PEX7: variants seen among roughly 807,000 people sequenced by gnomAD.
PEX7 encodes PTS2 receptor.
A neutral mutation model predicts 47.5 loss-of-function variants in PEX7; 34 were observed. That is an observed-to-expected ratio of 0.72 (90% confidence interval 0.54 to 0.95). PEX7 has a LOEUF of 0.95. PEX7 is among the 40% of genes least tolerant of loss of function. PEX7 has a pLI of 0.00. For missense variants in PEX7, 394 were observed against 400.3 expected, an observed-to-expected ratio of 0.98 and a Z score of 0.13; for synonymous variants, 141 against 148.8, an observed-to-expected ratio of 0.95 and a Z score of 0.38.
chr6:136,873,216 A>G (rs747140948), intron 8 of PEX7, among the ~76,000 whole-genome samples: 14 of 152,192 alleles, frequency 9.2e-5, no homozygotes, highest in African/African-American at 1.4e-4. Context: ...ATCATTCTGT[A>G]TCAAAGAGAT....
chr6:136,866,746 G>A lies in PEX7; in HGVS notation c.633+13G>A, dbSNP rs1775079667. 6.3e-7 allele frequency: 1 copy of A among 1,575,266 alleles called. No homozygotes were observed. The highest frequency in any genetic ancestry group is 1.3e-5 in the African/African-American group (1 of 74,188). On this transcript the variant is annotated intron_variant, in intron 6 of 9. Transcript: ENST00000318471. ...TAAATACAATGAGGTATAGTGTATG[G>A]CTCTATCCTATGCTGCTGTCCTTCC...
rs140984423 is a variant in PEX7 at position 136,884,505 on chromosome 6, A to G, written c.803+12252A>G. Among the ~76,000 whole-genome samples the G allele has an allele frequency of 2.2e-3, 332 of 152,306 alleles. 2 individuals carry two copies. The highest frequency in any genetic ancestry group is 7.7e-3 in the African/African-American group (322 of 41,588). ...AATATAAGTTTTTAATTTGTTGCCC[A>G]TTGTTATATTTAGGTTTGTAAATTT... On this transcript the variant is annotated intron_variant, in intron 8 of 9. Coordinates refer to ENST00000318471, the MANE Select transcript of PEX7 (RefSeq NM_000288.4).
In PEX7 at chr6:136,897,689, A is replaced by C. The variant is rs528767871; in HGVS notation, c.804-453A>C. Among the ~76,000 whole-genome samples, 62 of 152,332 alleles carry C rather than the reference A, an allele frequency of 4.1e-4. No individual in the cohort carries two copies. The South Asian group carries it at 0.012, about 29-fold the overall frequency. On this transcript the variant is annotated intron_variant, in intron 8 of 9. Transcript: ENST00000318471. ...TGTTGAAATTTAAATTAAGCCTAAG[A>C]TCTTTCATGTCAATTGTTGAGAAAT... is the stretch of plus-strand genomic sequence containing the variant.
At chr6:136,867,153 C>T (rs1582757987) in intron 6 of PEX7, among the ~76,000 whole-genome samples, 1 of 152,136 alleles carries the variant, frequency 6.6e-6, no homozygotes, top group South Asian at 2.1e-4. Context: ...GTTTTATCTT[C>T]CTTTTTAAGC....
chr6:136,910,493 C>CTTGG (rs1202410819), intron 9 of PEX7, among the ~76,000 whole-genome samples: 1 of 152,108 alleles, frequency 6.6e-6, no homozygotes, highest in Non-Finnish European at 1.5e-5. Flanking sequence ...AAGCAGCATG[C>CTTGG]TTGGATTTGA....
intron 7 of PEX7, chr6:136,870,790 G>T: frequency 2.5e-6 from 1 of 402,768 alleles, no homozygotes; most frequent in Non-Finnish European, 5.0e-6. Context: ...TCTGCCTTCT[G>T]GGTTCAAGCT....
intron 5 of PEX7, among the ~76,000 whole-genome samples, chr6:136,862,081 T>G (rs188322879): frequency 0.046 from 6,453 of 141,422 alleles, 162 homozygotes; most frequent in African/African-American, 0.08. Context: ...GTTTTTTTTT[T>G]GGGGGGACAG....
Position 136,900,483 on chromosome 6 carries a change from CTCA to C in PEX7, c.903+2245_903+2247del, listed in dbSNP as rs2115277604. ...CATTGCCCCCCCAGTGACAGCAGAT[CTCA>C]TCGTGTCTGTCATTGTAATTGGTCC... On this transcript the variant is annotated intron_variant, in intron 9 of 9. Coordinates refer to ENST00000318471, the MANE Select transcript of PEX7 (RefSeq NM_000288.4). This position sits in a 1 kb window ranked among gnomAD's most constrained non-coding sequence, Gnocchi z 4.2. The C allele has an allele frequency of 2.1e-6, 1 of 476,302 alleles. No individual in the cohort carries two copies. Among genetic ancestry groups the C allele is most frequent in the East Asian group, 5.8e-5 (1 of 17,154 alleles). 29.5% of individuals were successfully genotyped at this position (476,302 alleles called of 1,614,324 possible). A position where few individuals can be genotyped will look rare whatever the true frequency, so the allele number is the denominator to read the frequency against.
At chr6:136,905,525 A>T (rs1038084381) in intron 9 of PEX7, among the ~76,000 whole-genome samples, 1 of 152,166 alleles carries the variant, frequency 6.6e-6, no homozygotes, top group African/African-American at 2.4e-5. Flanking sequence ...CTGAAACCCG[A>T]ATTAGCCTTT....
intron 8 of PEX7, among the ~76,000 whole-genome samples, chr6:136,882,346 C>T (rs1832932): frequency 0.018 from 2,658 of 151,664 alleles, 34 homozygotes; most frequent in Non-Finnish European, 0.03. Flanking sequence ...CCCAGCTAAT[C>T]TTTGTATGTT....
intron 9 of PEX7, among the ~76,000 whole-genome samples, chr6:136,904,430 T>C (rs1030971723): frequency 6.6e-6 from 1 of 152,132 alleles, no homozygotes; most frequent in Non-Finnish European, 1.5e-5. Flanking sequence ...CTGCACTACA[T>C]AGACACCCTG....
chr6:136,884,714 TAATG>T (rs1159289051), intron 8 of PEX7, among the ~76,000 whole-genome samples: 2 of 152,176 alleles, frequency 1.3e-5, no homozygotes, highest in African/African-American at 4.8e-5. Flanking sequence ...ACAGAATAAC[TAATG>T]AAGATCTAAG....
intron 5 of PEX7, among the ~76,000 whole-genome samples, chr6:136,846,792 C>T (rs534918558): frequency 5.9e-5 from 9 of 152,170 alleles, no homozygotes; most frequent in Admixed American, 1.3e-4. Flanking sequence ...TGCATAGCGC[C>T]GCAGTAAACA....
chr6:136,822,970 A>C (rs1167931135), intron 1 of PEX7, 175 bp downstream of exon 1: 1 of 985,336 alleles, frequency 1.0e-6, no homozygotes, highest in African/African-American at 1.7e-5. Flanking sequence ...GCCGAGTGCG[A>C]GGAGTTGGTC....
intron 1 of PEX7, among the ~76,000 whole-genome samples, chr6:136,823,671 A>T (rs1487750208): frequency 6.6e-6 from 1 of 152,178 alleles, no homozygotes; most frequent in Admixed American, 6.5e-5. Flanking sequence ...TGGGCGGATC[A>T]CTTGAGTTCG....
intron 3 of PEX7, among the ~76,000 whole-genome samples, chr6:136,827,645 G>A (rs1316277451): frequency 6.6e-6 from 1 of 151,710 alleles, no homozygotes. Context: ...CCATTCTCAT[G>A]TCTTAGCCAC....
chr6:136,840,505 A>ATTT (rs1774475981), intron 3 of PEX7, among the ~76,000 whole-genome samples: 1 of 87,146 alleles, frequency 1.1e-5, no homozygotes, highest in Admixed American at 1.1e-4. Flanking sequence ...GAAGATGCTA[A>ATTT]GTTGGAGCTA....
At chr6:136,862,043 T>TTATA (rs905312169) in intron 5 of PEX7, among the ~76,000 whole-genome samples, 1 of 130,736 alleles carries the variant, frequency 7.6e-6, no homozygotes, top group Non-Finnish European at 1.6e-5. Flanking sequence ...TTTATATATA[T>TTATA]TATATATATA....
At chr6:136,891,121 A>C (rs1775545430) in intron 8 of PEX7, among the ~76,000 whole-genome samples, 1 of 152,204 alleles carries the variant, frequency 6.6e-6, no homozygotes, top group South Asian at 2.1e-4. Context: ...TCAGAAAGTC[A>C]TCCAGCATCC....
Sources: allele counts gnomAD v4.1 joint callset (sites outside exome capture counted in the v4.1 genomes callset), GRCh38; gene constraint gnomAD v4.1.1; non-coding constraint Gnocchi (gnomAD v3.1); transcripts MANE v1.5; gene names NCBI Gene and HGNC (gene_info 2026-07-23, HGNC 2026-07-21).